The following SLC39A11 variants were observed in gnomAD, a reference collection of about 807,000 sequenced individuals.
SLC39A11 encodes the protein zinc transporter ZIP11.
In SLC39A11, 33 loss-of-function variants were observed where a neutral mutation model predicts 36.1. That is an observed-to-expected ratio of 0.91 (90% CI 0.69 to 1.22). SLC39A11 has a LOEUF of 1.22. SLC39A11 is among the 50% of genes most tolerant of loss of function. The pLI is 0.00. For missense variants in SLC39A11, 432 were observed against 430.3 expected, an observed-to-expected ratio of 1.00 and a Z score of -0.03; for synonymous variants, 166 against 170.3, an observed-to-expected ratio of 0.97 and a Z score of 0.20.
At chr17:72,836,141 C>T (rs375479925) in intron 6 of SLC39A11, among the ~76,000 whole-genome samples, 23 of 152,354 alleles carry the variant, frequency 1.5e-4, no homozygotes, top group Admixed American at 2.6e-4. Context: ...GTGAGAACTA[C>T]GCCAACGTGG....
chr17:73,044,768 G>A (rs1056728165), intron 3 of SLC39A11, among the ~76,000 whole-genome samples: 19 of 151,824 alleles, frequency 1.3e-4, no homozygotes, highest in African/African-American at 4.6e-4. Flanking sequence ...CAGCTACTCA[G>A]GAGGAGGCTG....
intron 5 of SLC39A11, among the ~76,000 whole-genome samples, chr17:72,882,467 C>T (rs914418372): frequency 6.6e-6 from 1 of 151,824 alleles, no homozygotes; most frequent in Non-Finnish European, 1.5e-5. Context: ...AATCCAAGTA[C>T]GATGATTAGG....
chr17:72,726,267 T>C (rs895060433), intron 7 of SLC39A11, among the ~76,000 whole-genome samples: 2 of 152,182 alleles, frequency 1.3e-5, no homozygotes, highest in African/African-American at 4.8e-5. Context: ...TGAACTATAA[T>C]TAAAATGTTT....
chr17:72,883,280 C>A (rs2081296294), intron 5 of SLC39A11, among the ~76,000 whole-genome samples: 1 of 152,152 alleles, frequency 6.6e-6, no homozygotes, highest in African/African-American at 2.4e-5. Flanking sequence ...GTCTACCTAC[C>A]CTCACAGGCC....
intron 7 of SLC39A11, among the ~76,000 whole-genome samples, chr17:72,735,669 C>T (rs2074396339): frequency 6.6e-6 from 1 of 152,206 alleles, no homozygotes; most frequent in African/African-American, 2.4e-5. Flanking sequence ...TGACTGTCTC[C>T]ACCCATTTTG....
intron 6 of SLC39A11, among the ~76,000 whole-genome samples, chr17:72,848,215 C>A (rs1489607194): frequency 6.6e-6 from 1 of 152,180 alleles, no homozygotes; most frequent in African/African-American, 2.4e-5. Context: ...GGAGTTCAAG[C>A]AATTCGTCAA....
chr17:73,030,514 G>C (rs989127129), intron 4 of SLC39A11, among the ~76,000 whole-genome samples: 1 of 152,166 alleles, frequency 6.6e-6, no homozygotes, highest in African/African-American at 2.4e-5. Context: ...ACCTCCCGGG[G>C]TACATGACCA....
chr17:72,854,982 C>T lies in SLC39A11; in HGVS notation c.431-5178G>A, dbSNP rs561622345. Among the ~76,000 whole-genome samples, 6 of 152,318 alleles carry T rather than the reference C, an allele frequency of 3.9e-5. No individual in the cohort carries two copies. In the East Asian group the frequency reaches 9.6e-4, roughly 24 times the overall value. On this transcript the variant is annotated intron_variant, in intron 5 of 9. Coordinates refer to ENST00000255559, the MANE Select transcript of SLC39A11 (RefSeq NM_139177.4). ...GACACGGGTCTTGCGGGCACAAGCC[C>T]AGGGGCCATCAGCAAACCCTGCTGC... is the stretch of plus-strand genomic sequence containing the variant.
At chr17:72,759,705 G>T (rs1365082678) in intron 6 of SLC39A11, among the ~76,000 whole-genome samples, 1 of 152,022 alleles carries the variant, frequency 6.6e-6, no homozygotes, top group Non-Finnish European at 1.5e-5. Flanking sequence ...AAAGCACAAA[G>T]CTGAAAACAA....
At chr17:72,925,619 C>T (rs376348961) in intron 5 of SLC39A11, among the ~76,000 whole-genome samples, 45 of 152,320 alleles carry the variant, frequency 3.0e-4, no homozygotes, top group African/African-American at 1.1e-3. Context: ...ATGTCCCCAC[C>T]TGGAATTGCA....
Position 72,932,130 on chromosome 17 carries a change from T to A in SLC39A11, c.430+15622A>T, listed in dbSNP as rs984564654. 2.6e-5 allele frequency among the ~76,000 whole-genome samples: 4 copies of A among 152,192 alleles called. 1 individual carries two copies. Among genetic ancestry groups the A allele is most frequent in the African/African-American group, 9.6e-5 (4 of 41,510 alleles). ...GAATAACTAACATTCATTGAGAGCA[T>A]ACAATATACTAGGCACCATTCTAAG... On this transcript the variant is annotated intron_variant, in intron 5 of 9. Coordinates refer to ENST00000255559, the MANE Select transcript of SLC39A11 (RefSeq NM_139177.4).
At chr17:73,086,071 C>T (rs2060720257) in intron 2 of SLC39A11, among the ~76,000 whole-genome samples, 1 of 152,150 alleles carries the variant, frequency 6.6e-6, no homozygotes, top group Non-Finnish European at 1.5e-5. Flanking sequence ...GGAAAATATC[C>T]GTGCTGTTAG....
At chr17:72,962,296 G>A (rs1185881672) in intron 4 of SLC39A11, among the ~76,000 whole-genome samples, 2 of 152,166 alleles carry the variant, frequency 1.3e-5, no homozygotes, top group Non-Finnish European at 2.9e-5. Context: ...TTTCCATGGG[G>A]CCAGAGTCCA....
intron 7 of SLC39A11, among the ~76,000 whole-genome samples, chr17:72,692,645 C>A (rs1223228162): frequency 6.6e-6 from 1 of 152,200 alleles, no homozygotes; most frequent in Non-Finnish European, 1.5e-5. Flanking sequence ...TTCCCTCCCA[C>A]AATTTGTGGG....
At chr17:73,083,015 CAA>C (rs34607510) in intron 3 of SLC39A11, among the ~76,000 whole-genome samples, 3 of 89,770 alleles carry the variant, frequency 3.3e-5, no homozygotes, top group African/African-American at 9.0e-5. Flanking sequence ...GACTCCATTT[CAA>C]AAAAAAAAAA....
chr17:72,924,268 G>A (rs1325175298), intron 5 of SLC39A11, among the ~76,000 whole-genome samples: 1 of 149,298 alleles, frequency 6.7e-6, no homozygotes, highest in African/African-American at 2.5e-5. Context: ...CCCCCACCTC[G>A]CCCTACCCTA....
chr17:73,052,979 G>A (rs1246320640), intron 3 of SLC39A11, among the ~76,000 whole-genome samples: 1 of 152,222 alleles, frequency 6.6e-6, no homozygotes, highest in East Asian at 1.9e-4. Flanking sequence ...GGGATTATAG[G>A]CATGAGCCAC....
At chr17:72,998,276 G>A (rs1156584824) in intron 4 of SLC39A11, among the ~76,000 whole-genome samples, 1 of 150,666 alleles carries the variant, frequency 6.6e-6, no homozygotes, top group African/African-American at 2.5e-5. Context: ...TATGTCACAA[G>A]GACCACTGTA....
At chr17:72,741,448 G>A (rs894190348) in intron 6 of SLC39A11, among the ~76,000 whole-genome samples, 1 of 152,120 alleles carries the variant, frequency 6.6e-6, no homozygotes, top group African/African-American at 2.4e-5. Context: ...TATAATTTGT[G>A]TATTTTTACA....
Sources: allele counts gnomAD v4.1 joint callset (sites outside exome capture counted in the v4.1 genomes callset), GRCh38; gene constraint gnomAD v4.1.1; transcripts MANE v1.5; gene names NCBI Gene and HGNC (gene_info 2026-07-23, HGNC 2026-07-21).